PCDHGB6: variants seen among roughly 807,000 people sequenced by gnomAD.
PCDHGB6 encodes protocadherin gamma subfamily B, 6.
A neutral mutation model predicts 59.1 loss-of-function variants in PCDHGB6; 51 were observed. That is an observed-to-expected ratio of 0.86 (90% CI 0.69 to 1.09). PCDHGB6 has a LOEUF of 1.09. PCDHGB6 is among the 50% of genes least tolerant of loss of function. The pLI is 0.00. For synonymous variants in PCDHGB6, 466 were observed against 495.1 expected (o/e 0.94, Z 0.78); for missense variants, 1,148 against 1,205.1 (o/e 0.95, Z 0.70).
At chr5:141,474,106 A>G (rs1334111464) in intron 1 of PCDHGB6, among the ~76,000 whole-genome samples, 1 of 152,108 alleles carries the variant, frequency 6.6e-6, no homozygotes, top group African/African-American at 2.4e-5. Flanking sequence ...CAACAAAAAC[A>G]ACAACAACGA....
chr5:141,425,013 G>T (rs1666336437), intron 1 of PCDHGB6, among the ~76,000 whole-genome samples: 1 of 152,108 alleles, frequency 6.6e-6, no homozygotes, highest in Non-Finnish European at 1.5e-5. Flanking sequence ...TCTCATTTAG[G>T]AATTTACCTT....
chr5:141,409,491 C>A lies in PCDHGB6; in HGVS notation c.1289C>A (p.Pro430Gln), dbSNP rs747701093. 1 of 1,613,876 alleles carries A rather than the reference C, an allele frequency of 6.2e-7. No homozygotes were observed. Among genetic ancestry groups the A allele is most frequent in the East Asian group, 2.2e-5 (1 of 44,896 alleles). Residue 430 changes from proline to glutamine, a missense_variant, in exon 1 of 4, where the codon CCG (proline) becomes CAG (glutamine). This residue lies in a region of PCDHGB6 where 549 missense variants were observed against 527.5 expected (regional missense o/e 1.04). Transcript: ENST00000520790. Reference sequence around the variant, plus strand: ...ATCGTAGCCACTGACAGGGGCAAGCCGCCTCTTTCTTCCAGTAGAAGCATC... The same window carrying A: ...ATCGTAGCCACTGACAGGGGCAAGCAGCCTCTTTCTTCCAGTAGAAGCATC... ...VTIVATDRGK[P>Q]PLSSSRSITL...
intron 1 of PCDHGB6, among the ~76,000 whole-genome samples, chr5:141,459,014 T>G (rs1429233660): frequency 6.6e-6 from 1 of 152,240 alleles, no homozygotes; most frequent in Non-Finnish European, 1.5e-5. Flanking sequence ...ATTACAGGCA[T>G]GAGCCACCAC....
In PCDHGB6 at chr5:141,490,410, T is replaced by C. The variant is rs2099699827; in HGVS notation, c.2419-4397T>C. ...ATGGTGAAGTGAGCCTTGATATCTC[T>C]CCGGACCTGCCATTTCAGATTAAGC... On this transcript the variant is annotated intron_variant, in intron 1 of 3. Coordinates refer to ENST00000520790, the MANE Select transcript of PCDHGB6 (RefSeq NM_018926.3). The surrounding 1 kb of genome is among the most constrained non-coding windows in gnomAD (Gnocchi z 5.4). 1 of 1,614,172 alleles carries C rather than the reference T, an allele frequency of 6.2e-7. No individual in the cohort carries two copies. Among genetic ancestry groups the C allele is most frequent in the Non-Finnish European group, 8.5e-7 (1 of 1,180,042 alleles).
rs116140192 is a variant in PCDHGB6, at chr5:141,497,400, A to C, written c.2477+2535A>C. Among the ~76,000 whole-genome samples, 87 of 152,110 alleles carry C rather than the reference A, an allele frequency of 5.7e-4. 1 individual carries two copies. Among genetic ancestry groups the C allele is most frequent in the African/African-American group, 2.0e-3 (82 of 41,484 alleles). ...GGGGTGAGCACCTTACCCCTGCCTCAACTCCCATTCCATCAAATGAGAGGC... is the reference window on the plus strand; with the variant it reads ...GGGGTGAGCACCTTACCCCTGCCTCCACTCCCATTCCATCAAATGAGAGGC... On this transcript the variant is annotated intron_variant, in intron 2 of 3. Coordinates refer to ENST00000520790, the MANE Select transcript of PCDHGB6 (RefSeq NM_018926.3).
intron 1 of PCDHGB6, among the ~76,000 whole-genome samples, chr5:141,454,476 A>G (rs918910449): frequency 6.6e-6 from 1 of 151,806 alleles, no homozygotes; most frequent in Non-Finnish European, 1.5e-5. Flanking sequence ...GCATGATCTC[A>G]GCTCACCGCA....
In PCDHGB6 at chr5:141,511,286, G is replaced by A. The variant is rs1231704933; in HGVS notation, c.*113G>A. On this transcript the variant is annotated 3_prime_UTR_variant, in exon 4 of 4. Coordinates refer to ENST00000520790, the MANE Select transcript of PCDHGB6 (RefSeq NM_018926.3). The stretch of plus-strand genomic sequence containing the variant: ...GGCTAACCCCCAGAATACTGGTAGG[G>A]GCCAAGGCCATGCTCCCCTTGGGAA... 2 of 1,520,242 alleles carry A rather than the reference G, an allele frequency of 1.3e-6. No individual in the cohort carries two copies. The allele number at this position is 1,520,242 out of a possible 1,614,324, so 94.2% of individuals were successfully genotyped here.
intron 1 of PCDHGB6, among the ~76,000 whole-genome samples, chr5:141,465,788 T>A (rs1322471400): frequency 6.6e-6 from 1 of 152,110 alleles, no homozygotes; most frequent in Non-Finnish European, 1.5e-5. Context: ...AGTTTTTTTT[T>A]TTTTAAGAAA....
intron 1 of PCDHGB6, among the ~76,000 whole-genome samples, chr5:141,453,288 ATTATTTATTTAT>A (rs577328880): frequency 6.6e-6 from 1 of 151,342 alleles, no homozygotes; most frequent in African/African-American, 2.4e-5. Context: ...TAATTTTTTA[ATTATTTATTTAT>A]TTATTTATTT....
chr5:141,417,940 C>A, intron 1 of PCDHGB6: 2 of 1,613,054 alleles, frequency 1.2e-6, no homozygotes, highest in Non-Finnish European at 1.7e-6. Flanking sequence ...TGTTCTACCC[C>A]ACGCTGTGTG....
At chr5:141,498,967 GGGAGGGAAGGAA>G (rs1374222518) in intron 2 of PCDHGB6, among the ~76,000 whole-genome samples, 13 of 129,674 alleles carry the variant, frequency 1.0e-4, no homozygotes, top group South Asian at 5.5e-4. Context: ...GAGGGAGGGA[GGGAGGGAAGGAA>G]GGAAGGAAGG....
At chr5:141,480,240 CAA>C (rs11374694) in intron 1 of PCDHGB6, among the ~76,000 whole-genome samples, 8 of 114,006 alleles carry the variant, frequency 7.0e-5, no homozygotes, top group Non-Finnish European at 7.5e-5. Flanking sequence ...CCTGTCTCTA[CAA>C]AAAAAAAAAA....
At chr5:141,455,903 ATTTATTT>A (rs2098836354) in intron 1 of PCDHGB6, among the ~76,000 whole-genome samples, 1 of 145,228 alleles carries the variant, frequency 6.9e-6, no homozygotes, top group African/African-American at 2.7e-5. Context: ...TTATTTATTT[ATTTATTT>A]ATTTTGAGAC....
chr5:141,499,047 GA>G (rs2099789201), intron 2 of PCDHGB6, among the ~76,000 whole-genome samples: 1 of 151,580 alleles, frequency 6.6e-6, no homozygotes, highest in South Asian at 2.1e-4. Flanking sequence ...GAAAAAGGGA[GA>G]AAAAATGAAG....
chr5:141,417,874 C>A (rs768197455), intron 1 of PCDHGB6: 2 of 1,555,202 alleles, frequency 1.3e-6, no homozygotes, highest in African/African-American at 2.7e-5. Context: ...GAGGGAGCTG[C>A]GCGCAGAGGC....
chr5:141,409,878 C>T lies in PCDHGB6; in HGVS notation c.1676C>T (p.Ala559Val). 4 of 1,612,952 alleles carry T rather than the reference C, an allele frequency of 2.5e-6. No homozygotes were observed. Among genetic ancestry groups the T allele is most frequent in the Middle Eastern group, 1.6e-4 (1 of 6,062 alleles). Residue 559 changes from alanine to valine, a missense_variant, in exon 1 of 4, where the codon GCA (alanine) becomes GTA (valine). Physicochemically the swap from Ala to Val is moderately conservative, Grantham distance 64. Coordinates refer to ENST00000520790, the MANE Select transcript of PCDHGB6 (RefSeq NM_018926.3). ...TTGGTGGGAGACCGCAATGACAACG[C>T]ACCGCGGGTGCTGTACCCAGCTCTG... The part of the protein sequence containing the change: ...RVLVGDRNDN[A>V]PRVLYPALGP...
chr5:141,448,788 A>C (rs865953914), intron 1 of PCDHGB6, among the ~76,000 whole-genome samples: 3 of 151,964 alleles, frequency 2.0e-5, no homozygotes, highest in South Asian at 2.1e-4. Flanking sequence ...AAAATACAAA[A>C]AAAAAAATTA....
At chr5:141,506,934 G>A (rs187503673) in intron 3 of PCDHGB6, among the ~76,000 whole-genome samples, 54 of 152,232 alleles carry the variant, frequency 3.5e-4, no homozygotes, top group African/African-American at 1.3e-3. Flanking sequence ...AAACTTTAGG[G>A]GCCTCCTGTC....
At chr5:141,421,854 C>T (rs1402137870) in intron 1 of PCDHGB6, 9 of 1,613,644 alleles carry the variant, frequency 5.6e-6, no homozygotes. Flanking sequence ...AGGCTGCTCA[C>T]CTGCTCCTCC....
Sources: gnomAD v4.1 joint callset for allele counts (sites outside exome capture counted in the v4.1 genomes callset) on GRCh38, gnomAD v4.1.1 for gene constraint, gnomAD v4.1.1 regional missense constraint, Gnocchi (gnomAD v3.1) non-coding constraint, MANE v1.5 for transcripts, NCBI Gene and HGNC (gene_info 2026-07-23, HGNC 2026-07-21) for gene names.